ANKRD62: variants seen among roughly 807,000 people sequenced by gnomAD.
ANKRD62 encodes ankyrin repeat domain-containing protein 62.
A neutral mutation model predicts 98.8 loss-of-function variants in ANKRD62; 61 were observed. The ratio of observed to expected loss-of-function variants is 0.62; its 90% CI spans 0.50 to 0.76. The LOEUF is 0.76. ANKRD62 is among the 30% of genes least tolerant of loss of function. The pLI is 0.00. For missense variants in ANKRD62, 933 were observed against 1,082.9 expected (o/e 0.86, Z 1.94); for synonymous variants, 341 against 367.9 (o/e 0.93, Z 0.84).
chr18:12,175,372 C>T, the ANKRD62 span, among the ~76,000 whole-genome samples: 6 of 146,704 alleles, frequency 4.1e-5, no homozygotes, highest in Admixed American at 1.4e-4. Context: ...TGGTCAGCAG[C>T]GGGAGGGCGG....
the ANKRD62 span, among the ~76,000 whole-genome samples, chr18:12,164,601 T>C: frequency 2.0e-5 from 3 of 151,962 alleles, no homozygotes; most frequent in African/African-American, 7.2e-5. Flanking sequence ...TTTTTCTTCT[T>C]TCTTGATGTA....
the ANKRD62 span, among the ~76,000 whole-genome samples, chr18:12,181,144 A>G: frequency 1.3e-5 from 2 of 151,764 alleles, no homozygotes; most frequent in Non-Finnish European, 2.9e-5. Flanking sequence ...AGAAAATTCT[A>G]TACTGTGCAA....
intron 6 of ANKRD62, among the ~76,000 whole-genome samples, chr18:12,101,428 C>G (rs1909297319): frequency 6.6e-6 from 1 of 152,134 alleles, no homozygotes; most frequent in African/African-American, 2.4e-5. Flanking sequence ...AGAAGCACTC[C>G]AAGCTTTTCT....
rs544047344 is a variant in ANKRD62 at position 12,113,094 on chromosome 18, C to T, written c.1065-1994C>T. Among the ~76,000 whole-genome samples, 89 of 152,134 alleles carry T rather than the reference C, an allele frequency of 5.9e-4. No homozygotes were observed. The Middle Eastern group carries it at 0.014, about 23-fold the overall frequency. On this transcript the variant is annotated intron_variant, in intron 8 of 13. Coordinates refer to ENST00000587848, the MANE Select transcript of ANKRD62 (RefSeq NM_001277333.2). ...ATTTTTAGCAGAGATGGGTTTTTGC[C>T]GTGTTGGTCAGGCTGGTCTCGAACT...
chr18:12,119,203 A>G (rs117206202), intron 10 of ANKRD62, among the ~76,000 whole-genome samples: 1 of 151,674 alleles, frequency 6.6e-6, no homozygotes, highest in African/African-American at 2.4e-5. Flanking sequence ...TTTTTTTTGT[A>G]TCTGTACAGT....
chr18:12,096,335 C>T, intron 4 of ANKRD62, 33 bp downstream of exon 4: 2 of 1,312,352 alleles, frequency 1.5e-6, no homozygotes, highest in Non-Finnish European at 2.1e-6. Context: ...CATTTTTAAA[C>T]CTGAGTGGTG....
At chr18:12,169,538 A>G in the ANKRD62 span, among the ~76,000 whole-genome samples, 1 of 151,564 alleles carries the variant, frequency 6.6e-6, no homozygotes, top group African/African-American at 2.4e-5. Context: ...GTTTGCCAGT[A>G]TTTTCTTGAG....
At chr18:12,111,888 A>G (rs1228461876) in intron 8 of ANKRD62, among the ~76,000 whole-genome samples, 2 of 152,088 alleles carry the variant, frequency 1.3e-5, no homozygotes, top group Admixed American at 1.3e-4. Context: ...ACTACAAAAC[A>G]CTGCTCAAAG....
chr18:12,168,057 G>A, the ANKRD62 span, among the ~76,000 whole-genome samples: 3 of 152,026 alleles, frequency 2.0e-5, no homozygotes, highest in Non-Finnish European at 4.4e-5. Context: ...TGGGTAGATT[G>A]CAAAAATTTT....
the ANKRD62 span, among the ~76,000 whole-genome samples, chr18:12,162,328 A>G: frequency 6.6e-6 from 1 of 152,214 alleles, no homozygotes; most frequent in South Asian, 2.1e-4. Flanking sequence ...TTTTGAGGAA[A>G]TGTCTGTTCA....
chr18:12,108,135 A>G (rs2143908337), intron 8 of ANKRD62, among the ~76,000 whole-genome samples: 1 of 152,370 alleles, frequency 6.6e-6, no homozygotes, highest in South Asian at 2.1e-4. Context: ...AGTTGCATTT[A>G]TAGTGTAGTG....
chr18:12,122,574 A>T lies in ANKRD62; in HGVS notation c.1454+58A>T. 3.6e-6 allele frequency: 5 copies of T among 1,379,934 alleles called. 1 individual carries two copies. The South Asian group carries it at 7.6e-5, about 21-fold the overall frequency. 85.5% of individuals were successfully genotyped at this position (1,379,934 alleles called of 1,614,324 possible). ...ACTATTTATACTAAGGATATGTAGGATAATTTTTGTAATAGCTGACTTACC... is the reference window on the plus strand; with the variant it reads ...ACTATTTATACTAAGGATATGTAGGTTAATTTTTGTAATAGCTGACTTACC... On this transcript the variant is annotated intron_variant, in intron 11 of 13. Coordinates refer to ENST00000587848, the MANE Select transcript of ANKRD62 (RefSeq NM_001277333.2).
the ANKRD62 span, among the ~76,000 whole-genome samples, chr18:12,161,754 C>T: frequency 5.3e-5 from 8 of 152,196 alleles, no homozygotes; most frequent in African/African-American, 1.7e-4. Flanking sequence ...AATTTTAGAT[C>T]CCACAAATAA....
chr18:12,110,626 T>C (rs574519101), intron 8 of ANKRD62, among the ~76,000 whole-genome samples: 1 of 152,288 alleles, frequency 6.6e-6, no homozygotes, highest in South Asian at 2.1e-4. Context: ...AACCTTCCCT[T>C]CCATTCACTC....
chr18:12,151,111 A>G, the ANKRD62 span, among the ~76,000 whole-genome samples: 3 of 152,226 alleles, frequency 2.0e-5, no homozygotes, highest in African/African-American at 7.2e-5. Flanking sequence ...AGCAAATGGA[A>G]AACAGAAAAA....
At chr18:12,131,738 T>A (rs1174136005), downstream of ANKRD62, among the ~76,000 whole-genome samples, 1 of 58,970 alleles carries the variant, frequency 1.7e-5, no homozygotes, top group Admixed American at 1.3e-4. Flanking sequence ...TATGTGTGAG[T>A]GTGTGTGTGT....
intron 11 of ANKRD62, 33 bp from the exon 12 acceptor site, chr18:12,124,104 A>G (rs1304137910): frequency 8.6e-7 from 1 of 1,157,084 alleles, no homozygotes; most frequent in Non-Finnish European, 1.2e-6. Context: ...TTTTGTTTTT[A>G]AAGGCTTTTA....
At position 12,125,469 on chromosome 18, in the gene ANKRD62, A is replaced by G. The variant is rs1909867575; in HGVS notation, c.1648A>G (p.Thr550Ala). 1 of 1,454,688 alleles carries G rather than the reference A, an allele frequency of 6.9e-7. No homozygotes were observed. Among genetic ancestry groups the G allele is most frequent in the South Asian group, 1.5e-5 (1 of 66,858 alleles). 90.1% of individuals were successfully genotyped at this position (1,454,688 alleles called of 1,614,324 possible). ...VRSNSNQNFH[T>A]HERERDLWQE... ...TCTTTGTTTTATTTAGAATTTTCATACTCATGAAAGAGAAAGAGACCTGTG... is the reference window on the plus strand; with the variant it reads ...TCTTTGTTTTATTTAGAATTTTCATGCTCATGAAAGAGAAAGAGACCTGTG... The change falls in exon 13 of 14, where the codon ACT (threonine) becomes GCT (alanine). Residue 550 changes from threonine (T) to alanine (A), a missense_variant. This residue lies in a region of ANKRD62 where 362 missense variants were observed against 434.5 expected (regional missense o/e 0.83). Transcript: ENST00000587848.
chr18:12,096,812 AAGTG>A (rs1909191965), intron 4 of ANKRD62, among the ~76,000 whole-genome samples: 1 of 152,216 alleles, frequency 6.6e-6, no homozygotes, highest in African/African-American at 2.4e-5. Context: ...GGTTATTCCT[AAGTG>A]ACTATTAATT....
Sources: gnomAD v4.1 joint callset for allele counts (sites outside exome capture counted in the v4.1 genomes callset) on GRCh38, gnomAD v4.1.1 for gene constraint, gnomAD v4.1.1 regional missense constraint, MANE v1.5 for transcripts, NCBI Gene and HGNC (gene_info 2026-07-23, HGNC 2026-07-21) for gene names.